The following STRBP variants were observed in gnomAD, a reference collection of about 807,000 sequenced individuals.
STRBP encodes the protein spermatid perinuclear RNA binding protein.
Under a neutral mutation model 80.1 loss-of-function variants are expected in STRBP, and 13 were observed. The observed-to-expected ratio is 0.16, with a 90% CI of 0.11 to 0.26. The LOEUF is 0.26. Ranked by LOEUF, STRBP falls within the 10% of genes least tolerant of loss-of-function variation. The probability of loss-of-function intolerance (pLI) is 1.00; values close to 1 mark genes in which losing one functional copy is unlikely to be tolerated. For missense variants in STRBP, 485 were observed against 815.2 expected (o/e 0.59, Z 4.93); for synonymous variants, 284 against 291.2 (o/e 0.98, Z 0.25).
intron 2 of STRBP, among the ~76,000 whole-genome samples, chr9:123,230,761 G>A (rs1467800235): frequency 6.6e-6 from 1 of 152,138 alleles, no homozygotes; most frequent in Non-Finnish European, 1.5e-5. Context: ...TTAATCACAG[G>A]AAAGTTTCTG....
At chr9:123,158,454 A>T in intron 9 of STRBP, 25 bp from the exon 10 acceptor site, 1 of 1,602,082 alleles carries the variant, frequency 6.2e-7, no homozygotes, top group Non-Finnish European at 8.6e-7. Context: ...AAACACAAGT[A>T]TCATTTAGAA....
chr9:123,229,703 A>G (rs1248184738), intron 2 of STRBP, among the ~76,000 whole-genome samples: 1 of 152,192 alleles, frequency 6.6e-6, no homozygotes, highest in Non-Finnish European at 1.5e-5. Context: ...AGGCACAAGT[A>G]CATGCTTCAA....
chr9:123,255,988 G>A (rs2041019244), intron 1 of STRBP, among the ~76,000 whole-genome samples: 1 of 136,142 alleles, frequency 7.3e-6, no homozygotes, highest in Non-Finnish European at 1.6e-5. Flanking sequence ...TAGTTACCAA[G>A]TTGCAACAGT....
intron 2 of STRBP, among the ~76,000 whole-genome samples, chr9:123,222,176 T>C (rs1241486093): frequency 6.7e-6 from 1 of 149,652 alleles, no homozygotes; most frequent in African/African-American, 2.6e-5. Flanking sequence ...GGCAGTGTTT[T>C]CTTTTTTTTT....
intron 16 of STRBP, among the ~76,000 whole-genome samples, 199 bp from the exon 17 acceptor site, chr9:123,133,167 C>A (rs1189442354): frequency 2.0e-5 from 3 of 152,264 alleles, no homozygotes; most frequent in Non-Finnish European, 2.9e-5. Flanking sequence ...AGAGAATATG[C>A]AAATAACTTC....
intron 1 of STRBP, among the ~76,000 whole-genome samples, chr9:123,265,895 GA>G (rs1307930011): frequency 1.4e-4 from 22 of 152,120 alleles, no homozygotes; most frequent in Admixed American, 1.4e-3. Context: ...AGAGTGTTAA[GA>G]GTCAGAAAGC....
In STRBP at chr9:123,136,814, A is replaced by T. The variant is rs2036374159; in HGVS notation, c.1498-299T>A. Among the ~76,000 whole-genome samples, 1 of 152,244 alleles carries T rather than the reference A, an allele frequency of 6.6e-6. No individual in the cohort carries two copies. The highest frequency in any genetic ancestry group is 2.4e-5 in the African/African-American group (1 of 41,468). ...CTCTGCTCTGTAGTGTTCGTGATCT[A>T]AGAATAATACTCTAAATTACTAATA... On this transcript the variant is annotated intron_variant, in intron 14 of 18. Transcript: ENST00000348403. This position sits in a 1 kb window ranked among gnomAD's most constrained non-coding sequence, Gnocchi z 4.2.
chr9:123,199,716 G>T (rs761269521), intron 2 of STRBP, among the ~76,000 whole-genome samples: 1 of 152,102 alleles, frequency 6.6e-6, no homozygotes, highest in Non-Finnish European at 1.5e-5. Context: ...CTATCGATTT[G>T]TGTACACTGA....
chr9:123,241,171 C>T (rs7026969), intron 1 of STRBP, among the ~76,000 whole-genome samples: 15,654 of 138,832 alleles, frequency 0.11, 2,794 homozygotes, highest in African/African-American at 0.41. Flanking sequence ...AAGAGCAAAA[C>T]TCCATCTCAA....
At chr9:123,255,313 T>C (rs1235066956) in intron 1 of STRBP, among the ~76,000 whole-genome samples, 3 of 152,234 alleles carry the variant, frequency 2.0e-5, no homozygotes, top group African/African-American at 4.8e-5. Context: ...CTCTATGTCC[T>C]AAGGGGAAAA....
chr9:123,117,353 G>A (rs780896329), downstream of STRBP, among the ~76,000 whole-genome samples: 8 of 152,094 alleles, frequency 5.3e-5, no homozygotes, highest in Non-Finnish European at 8.8e-5. Flanking sequence ...AGCCATCCCC[G>A]CACCCACCCA....
intron 2 of STRBP, among the ~76,000 whole-genome samples, chr9:123,234,777 T>C (rs1410443908): frequency 4.6e-5 from 7 of 151,900 alleles, no homozygotes; most frequent in Non-Finnish European, 8.8e-5. Flanking sequence ...CTGGCCAAGA[T>C]GGTAAAACCC....
intron 11 of STRBP, among the ~76,000 whole-genome samples, chr9:123,151,608 A>G (rs2037059433): frequency 6.6e-6 from 1 of 152,214 alleles, no homozygotes; most frequent in Non-Finnish European, 1.5e-5. Flanking sequence ...AATTAGGAAT[A>G]AAAGAAAGTA....
chr9:123,182,072 AG>A (rs1256655468), intron 3 of STRBP, among the ~76,000 whole-genome samples: 7 of 151,470 alleles, frequency 4.6e-5, no homozygotes, highest in Non-Finnish European at 1.0e-4. Context: ...AAAATTAGCC[AG>A]GTATGGTGGT....
chr9:123,157,045 G>C (rs1156239980), intron 11 of STRBP, among the ~76,000 whole-genome samples: 1 of 152,104 alleles, frequency 6.6e-6, no homozygotes, highest in Non-Finnish European at 1.5e-5. Flanking sequence ...ATAAGAAAGA[G>C]GGTAATATCC....
intron 2 of STRBP, among the ~76,000 whole-genome samples, chr9:123,204,923 CAAA>C (rs34576355): frequency 1.8e-5 from 1 of 54,574 alleles, no homozygotes. Context: ...GACTCCATCT[CAAA>C]AAAAAAAAAA....
intron 2 of STRBP, among the ~76,000 whole-genome samples, chr9:123,213,211 G>A (rs965297312): frequency 6.6e-6 from 1 of 152,086 alleles, no homozygotes; most frequent in Non-Finnish European, 1.5e-5. Context: ...CCTAATCAGC[G>A]TACTGAAACT....
At chr9:123,169,129 T>G (rs1417242355) in intron 6 of STRBP, among the ~76,000 whole-genome samples, 2 of 152,048 alleles carry the variant, frequency 1.3e-5, no homozygotes, top group Non-Finnish European at 2.9e-5. Flanking sequence ...CTTATGAGAT[T>G]ATACAGCTAT....
At chr9:123,114,871 G>A (rs957930951) in intron 3 of STRBP, 23 of 274,954 alleles carry the variant, frequency 8.4e-5, no homozygotes, top group South Asian at 3.1e-4. Flanking sequence ...TACCCAATCC[G>A]GCAGAGGAGC....
Sources: allele counts gnomAD v4.1 joint callset (sites outside exome capture counted in the v4.1 genomes callset), GRCh38; gene constraint gnomAD v4.1.1; non-coding constraint Gnocchi (gnomAD v3.1); transcripts MANE v1.5; gene names NCBI Gene and HGNC (gene_info 2026-07-23, HGNC 2026-07-21).